EYS: variants seen among roughly 807,000 people sequenced by gnomAD.
EYS encodes protein eyes shut homolog.
Under a neutral mutation model 282.1 loss-of-function variants are expected in EYS, and 250 were observed. That is an observed-to-expected ratio of 0.89 (90% confidence interval 0.80 to 0.98). The LOEUF (loss-of-function observed/expected upper bound fraction) is 0.98. EYS is among the 50% of genes least tolerant of loss of function. The pLI, the probability that EYS is intolerant of heterozygous loss-of-function variation, is 0.00. For missense variants in EYS, 4,016 were observed against 3,709.0 expected (o/e 1.08, Z -2.15); for synonymous variants, 1,355 against 1,282.9 (o/e 1.06, Z -1.20).
At chr6:64,425,582 A>C (rs934691063) in intron 28 of EYS, among the ~76,000 whole-genome samples, 3 of 144,664 alleles carry the variant, frequency 2.1e-5, no homozygotes, top group African/African-American at 2.5e-5. Flanking sequence ...TGAACCTGGG[A>C]GTCGGAAGTT....
chr6:65,615,955 G>GA (rs920604694), intron 2 of EYS, among the ~76,000 whole-genome samples: 8 of 145,368 alleles, frequency 5.5e-5, no homozygotes, highest in Admixed American at 6.9e-5. Flanking sequence ...AAAAAAGAAA[G>GA]AAAAAAAAAT....
chr6:65,432,568 T>C (rs990799361), intron 5 of EYS, among the ~76,000 whole-genome samples: 1 of 152,078 alleles, frequency 6.6e-6, no homozygotes, highest in Non-Finnish European at 1.5e-5. Context: ...CCAAGATGAC[T>C]GTGAAAGAAT....
intron 29 of EYS, among the ~76,000 whole-genome samples, chr6:64,342,452 A>G (rs900305783): frequency 4.6e-5 from 7 of 151,980 alleles, no homozygotes; most frequent in African/African-American, 9.7e-5. Flanking sequence ...AGAATTTCAT[A>G]TCCAGACAAA....
Position 65,443,234 on chromosome 6 carries a change from A to C in EYS, c.863-37867T>G, listed in dbSNP as rs539362209. 2.5e-3 allele frequency among the ~76,000 whole-genome samples: 387 copies of C among 151,912 alleles called. 52 individuals are homozygous for C. Among genetic ancestry groups the C allele is most frequent in the Non-Finnish European group, 1.6e-3 (111 of 67,834 alleles). On this transcript the variant is annotated intron_variant, in intron 5 of 42. Coordinates refer to ENST00000503581, the MANE Select transcript of EYS (RefSeq NM_001142800.2). Reference sequence around the variant, plus strand: ...ATGCATCATATACACATGTATGTGAACATATAGACATATGTGTATACATAT... The same window carrying C: ...ATGCATCATATACACATGTATGTGACCATATAGACATATGTGTATACATAT...
Position 63,762,515 on chromosome 6 carries a change from G to A in EYS, c.8017C>T (p.His2673Tyr). The A allele has an allele frequency of 6.5e-7, 1 of 1,550,366 alleles. No individual in the cohort carries two copies. ...SRGATCISLP[H>Y]GYTCFCPLGT... ...AGAGGACAGAAACAGGTGTATCCAT[G>A]AGGTAATGAAATGCAGGTTGCTCCT... The change falls in exon 41 of 43, where the codon CAT becomes TAT. Residue 2673 changes from histidine to tyrosine, a missense_variant. His to Tyr is a moderately conservative substitution (Grantham distance 83, BLOSUM62 2). Coordinates refer to ENST00000503581, the MANE Select transcript of EYS (RefSeq NM_001142800.2).
chr6:65,391,629 C>T (rs1036001621), intron 7 of EYS, among the ~76,000 whole-genome samples: 5 of 152,048 alleles, frequency 3.3e-5, no homozygotes, highest in Non-Finnish European at 5.9e-5. Context: ...TGAAGGACCT[C>T]TTCAAGGAGA....
intron 2 of EYS, among the ~76,000 whole-genome samples, chr6:65,614,550 C>T (rs1766116768): frequency 6.6e-6 from 1 of 151,986 alleles, no homozygotes. Flanking sequence ...CCATGTTCCC[C>T]ATAGATGACC....
chr6:64,765,963 A>C (rs911202905), intron 22 of EYS, among the ~76,000 whole-genome samples: 2 of 152,092 alleles, frequency 1.3e-5, no homozygotes, highest in African/African-American at 4.8e-5. Context: ...GCTTTTCTTC[A>C]TTGAGCTATT....
chr6:64,233,802 T>C (rs1766502736), intron 30 of EYS, among the ~76,000 whole-genome samples: 1 of 152,200 alleles, frequency 6.6e-6, no homozygotes, highest in South Asian at 2.1e-4. Context: ...GACACCTTGA[T>C]AGGACAGCAA....
chr6:64,413,603 A>G (rs1247350220), intron 28 of EYS, among the ~76,000 whole-genome samples: 1 of 152,070 alleles, frequency 6.6e-6, no homozygotes, highest in Non-Finnish European at 1.5e-5. Context: ...AAACAGTATC[A>G]GGAAGAACAC....
intron 41 of EYS, among the ~76,000 whole-genome samples, chr6:63,732,692 C>T (rs1281208638): frequency 2.0e-5 from 3 of 152,156 alleles, no homozygotes; most frequent in Non-Finnish European, 2.9e-5. Flanking sequence ...GGCTATCCAT[C>T]TTTTAGATTT....
intron 32 of EYS, among the ~76,000 whole-genome samples, chr6:64,067,658 T>C (rs952748311): frequency 6.6e-6 from 1 of 152,152 alleles, no homozygotes; most frequent in Non-Finnish European, 1.5e-5. Context: ...TTTACTAATT[T>C]ACAAATTAAA....
At chr6:64,159,514 C>G (rs1775035383) in intron 31 of EYS, among the ~76,000 whole-genome samples, 1 of 137,318 alleles carries the variant, frequency 7.3e-6, no homozygotes, top group East Asian at 2.2e-4. Flanking sequence ...GAGCCGAGAT[C>G]GCACCACTGC....
At chr6:65,131,305 T>C (rs1775869150) in intron 12 of EYS, among the ~76,000 whole-genome samples, 1 of 151,852 alleles carries the variant, frequency 6.6e-6, no homozygotes, top group South Asian at 2.1e-4. Flanking sequence ...GCACATACTC[T>C]AAAATTAACC....
At chr6:65,475,447 A>G (rs897937475) in intron 5 of EYS, among the ~76,000 whole-genome samples, 1 of 152,156 alleles carries the variant, frequency 6.6e-6, no homozygotes, top group Non-Finnish European at 1.5e-5. Context: ...ATTCAAAATT[A>G]TAGGCTAAAT....
intron 30 of EYS, among the ~76,000 whole-genome samples, chr6:64,257,941 T>C (rs10806408): frequency 0.69 from 104,065 of 151,442 alleles, 35,760 homozygotes; most frequent in South Asian, 0.71. Flanking sequence ...TAGAAAGGAT[T>C]CAGGGCAAAT....
intron 2 of EYS, among the ~76,000 whole-genome samples, chr6:65,528,505 C>T (rs1767649607): frequency 6.6e-6 from 1 of 152,180 alleles, no homozygotes; most frequent in Non-Finnish European, 1.5e-5. Flanking sequence ...GGGCTCTACC[C>T]TCCTGAGAGG....
intron 8 of EYS, among the ~76,000 whole-genome samples, chr6:65,377,611 AATAG>A (rs1457130929): frequency 9.2e-5 from 14 of 152,186 alleles, no homozygotes; most frequent in Middle Eastern, 3.4e-3. Context: ...AGATTAAAAA[AATAG>A]ATAGACCACT....
intron 12 of EYS, among the ~76,000 whole-genome samples, chr6:65,102,548 A>T (rs1192588342): frequency 6.6e-6 from 1 of 151,228 alleles, no homozygotes; most frequent in East Asian, 1.9e-4. Flanking sequence ...AATTTCCTTT[A>T]ATTAAATATA....
Sources: allele counts gnomAD v4.1 joint callset (sites outside exome capture counted in the v4.1 genomes callset), GRCh38; gene constraint gnomAD v4.1.1; transcripts MANE v1.5; gene names NCBI Gene and HGNC (gene_info 2026-07-23, HGNC 2026-07-21).